Variants in CA10 observed in about 807,000 individuals in gnomAD.
CA10 encodes the protein carbonic anhydrase-related protein 10.
Under a neutral mutation model 44.2 loss-of-function variants are expected in CA10, and 14 were observed. The observed-to-expected ratio is 0.32, with a 90% CI of 0.21 to 0.50. CA10 has a LOEUF of 0.50. CA10 is among the 20% of genes least tolerant of loss of function. CA10 has a pLI of 0.99. For synonymous variants in CA10, 159 were observed against 141.6 expected, an observed-to-expected ratio of 1.12 and a Z score of -0.87; for missense variants, 350 against 409.7, an observed-to-expected ratio of 0.85 and a Z score of 1.26.
intron 5 of CA10, among the ~76,000 whole-genome samples, chr17:51,650,379 G>A (rs968661373): frequency 5.9e-5 from 9 of 152,120 alleles, no homozygotes; most frequent in Admixed American, 4.6e-4. Context: ...TGGAAAAATT[G>A]CAGCAGATGA....
chr17:51,972,681 CAA>C (rs960625386), intron 2 of CA10, among the ~76,000 whole-genome samples: 1 of 151,158 alleles, frequency 6.6e-6, no homozygotes, highest in Non-Finnish European at 1.5e-5. Context: ...TGTCTTAAAA[CAA>C]AAAGTGAAAT....
At position 51,953,431 on chromosome 17, in the gene CA10, T is replaced by C. The variant is rs539024845; in HGVS notation, c.137-22299A>G. On this transcript the variant is annotated intron_variant, in intron 2 of 8. Transcript: ENST00000451037. ...GTTTGAATATCTGTTTAATATCTGA[T>C]AGGAATAGTCCCTGGATATTTTTGT... 3.3e-5 allele frequency among the ~76,000 whole-genome samples: 5 copies of C among 151,818 alleles called. No homozygotes were observed. In the East Asian group the frequency reaches 7.9e-4, roughly 24 times the overall value.
intron 3 of CA10, among the ~76,000 whole-genome samples, chr17:51,818,193 G>A (rs1006124211): frequency 6.6e-6 from 1 of 152,192 alleles, no homozygotes; most frequent in Non-Finnish European, 1.5e-5. Flanking sequence ...TGTCACGACA[G>A]AATTGTAATC....
chr17:51,858,580 T>TA (rs1979157162), intron 3 of CA10, among the ~76,000 whole-genome samples: 1 of 152,240 alleles, frequency 6.6e-6, no homozygotes, highest in Non-Finnish European at 1.5e-5. Context: ...AAGCTGGCTT[T>TA]AAGAGCTCCT....
At chr17:51,825,620 A>G (rs2143772506) in intron 3 of CA10, among the ~76,000 whole-genome samples, 1 of 152,316 alleles carries the variant, frequency 6.6e-6, no homozygotes, top group South Asian at 2.1e-4. Flanking sequence ...GTTACACAAC[A>G]TGTACATCAA....
intron 3 of CA10, among the ~76,000 whole-genome samples, chr17:51,831,710 A>AGCGGCGGCAGCGGCG (rs1555604073): frequency 4.9e-5 from 5 of 102,814 alleles, no homozygotes; most frequent in African/African-American, 1.6e-4. Flanking sequence ...CAGCAGCAGC[A>AGCGGCGGCAGCGGCG]GCAGCAGCAG....
At chr17:52,159,796 A>G (rs1989903115), upstream of CA10, 1 of 152,354 alleles carries the variant, frequency 6.6e-6, no homozygotes, top group Admixed American at 6.5e-5. Context: ...ATGCAGGGGA[A>G]TTGAAGAAAA....
chr17:51,909,712 C>T (rs538286672), intron 3 of CA10, among the ~76,000 whole-genome samples: 2 of 152,090 alleles, frequency 1.3e-5, no homozygotes, highest in South Asian at 2.1e-4. Flanking sequence ...TTTAGTTTCC[C>T]AGAAAAAGCA....
rs779431695 is a variant in CA10 at position 52,044,642 on chromosome 17, T to C, written c.136+27677A>G. ...AGAGAAATGGAAGCTTTCCAAAATA[T>C]ACAAAGGGAACTTCTAGACATAAAA... On this transcript the variant is annotated intron_variant, in intron 2 of 8. Transcript: ENST00000451037. Among the ~76,000 whole-genome samples the C allele has an allele frequency of 1.1e-4, 16 of 152,120 alleles. 1 individual carries two copies. Among genetic ancestry groups the C allele is most frequent in the South Asian group, 8.3e-4 (4 of 4,814 alleles).
At chr17:51,736,015 G>A (rs1288614567) in intron 4 of CA10, among the ~76,000 whole-genome samples, 1 of 152,106 alleles carries the variant, frequency 6.6e-6, no homozygotes, top group African/African-American at 2.4e-5. Context: ...ACACAACTAT[G>A]TATTTGTGAA....
At chr17:52,067,304 A>C (rs973493048) in intron 2 of CA10, among the ~76,000 whole-genome samples, 1 of 152,216 alleles carries the variant, frequency 6.6e-6, no homozygotes, top group African/African-American at 2.4e-5. Context: ...CTGTTGCTTC[A>C]AAGGGTGCAA....
At chr17:51,701,142 C>G (rs147114159) in intron 4 of CA10, among the ~76,000 whole-genome samples, 1 of 151,984 alleles carries the variant, frequency 6.6e-6, no homozygotes, top group East Asian at 1.9e-4. Context: ...GGGTTGGTTC[C>G]TTCTGGAGGC....
chr17:51,647,999 G>T (rs1332527908), intron 6 of CA10, among the ~76,000 whole-genome samples: 3 of 152,220 alleles, frequency 2.0e-5, no homozygotes, highest in African/African-American at 7.2e-5. Context: ...TTGGCAGTGA[G>T]CACGTGGTAG....
At chr17:51,959,198 T>C (rs1983775528) in intron 2 of CA10, among the ~76,000 whole-genome samples, 1 of 149,770 alleles carries the variant, frequency 6.7e-6, no homozygotes, top group Non-Finnish European at 1.5e-5. Context: ...CCTCAAACTC[T>C]GGAAGACATT....
At chr17:51,950,180 A>G (rs1296984759) in intron 2 of CA10, among the ~76,000 whole-genome samples, 2 of 151,980 alleles carry the variant, frequency 1.3e-5, no homozygotes, top group African/African-American at 4.8e-5. Context: ...CACTTGGTTC[A>G]TATTCTCACC....
rs562622220 is a variant in CA10, at chr17:52,021,473, T to C, written c.136+50846A>G. On this transcript the variant is annotated intron_variant, in intron 2 of 8. Transcript: ENST00000451037. The stretch of plus-strand genomic sequence containing the variant: ...ATCTCTGCAGCCTTGCCAATATCTG[T>C]TATTTTTCTTTTTTTAATAGCCATT... 7.9e-5 allele frequency among the ~76,000 whole-genome samples: 12 copies of C among 152,230 alleles called. No individual in the cohort carries two copies. The East Asian group carries it at 2.3e-3, about 29-fold the overall frequency.
In CA10 at chr17:52,051,209, C is replaced by T. The variant is rs114427435; in HGVS notation, c.136+21110G>A. 8.7e-3 allele frequency among the ~76,000 whole-genome samples: 1,315 copies of T among 152,016 alleles called. 18 individuals are homozygous for T. Among genetic ancestry groups the T allele is most frequent in the African/African-American group, 0.03 (1,246 of 41,514 alleles). Reference sequence around the variant, plus strand: ...AAGGCACGTAAACCCTGGAAGACAACCTAGGCAATACCATTCAGGACAGAC... The same window carrying T: ...AAGGCACGTAAACCCTGGAAGACAATCTAGGCAATACCATTCAGGACAGAC... On this transcript the variant is annotated intron_variant, in intron 2 of 8. Transcript: ENST00000451037.
chr17:52,135,849 C>A (rs1989345854), intron 1 of CA10, among the ~76,000 whole-genome samples: 1 of 152,184 alleles, frequency 6.6e-6, no homozygotes, highest in Admixed American at 6.5e-5. Context: ...AAGGCCCTCT[C>A]CTGGCTTCCC....
chr17:52,036,824 A>G (rs1986631717), intron 2 of CA10, among the ~76,000 whole-genome samples: 2 of 152,190 alleles, frequency 1.3e-5, no homozygotes, highest in African/African-American at 4.8e-5. Flanking sequence ...AATATGGGCA[A>G]TTGTTATTTG....
Sources: allele counts gnomAD v4.1 joint callset (sites outside exome capture counted in the v4.1 genomes callset), GRCh38; gene constraint gnomAD v4.1.1; transcripts MANE v1.5; gene names NCBI Gene and HGNC (gene_info 2026-07-23, HGNC 2026-07-21).